Variants in BCKDHB observed in about 807,000 individuals in gnomAD.
BCKDHB encodes 2-oxoisovalerate dehydrogenase subunit beta, mitochondrial.
Under a neutral mutation model 48.5 loss-of-function variants are expected in BCKDHB, and 41 were observed. The ratio of observed to expected loss-of-function variants is 0.85; its 90% confidence interval spans 0.66 to 1.10. The LOEUF is 1.10. Ranked by LOEUF, BCKDHB falls within the 50% of genes least tolerant of loss-of-function variation. The probability of loss-of-function intolerance (pLI) is 0.00; values close to 1 mark genes in which losing one functional copy is unlikely to be tolerated. For synonymous variants in BCKDHB, 201 were observed against 174.8 expected, an observed-to-expected ratio of 1.15 and a Z score of -1.18; for missense variants, 496 against 494.2, an observed-to-expected ratio of 1.00 and a Z score of -0.03.
the BCKDHB span, among the ~76,000 whole-genome samples, chr6:80,435,181 A>G: frequency 3.9e-5 from 6 of 152,218 alleles, no homozygotes; most frequent in African/African-American, 1.4e-4. Context: ...GCTGTCTGTT[A>G]GCCAATGTCT....
the BCKDHB span, chr6:80,441,265 C>A: frequency 6.6e-6 from 1 of 152,078 alleles, no homozygotes; most frequent in Non-Finnish European, 1.5e-5. Context: ...GAGTTTTATT[C>A]AAATATCCAA....
intron 9 of BCKDHB, among the ~76,000 whole-genome samples, chr6:80,293,824 C>T (rs112963015): frequency 0.11 from 16,542 of 152,156 alleles, 1,115 homozygotes; most frequent in South Asian, 0.25. Flanking sequence ...TCATCTCCCT[C>T]ATGTTCAAAA....
At chr6:80,139,267 G>A (rs1397644587) in intron 3 of BCKDHB, among the ~76,000 whole-genome samples, 5 of 152,020 alleles carry the variant, frequency 3.3e-5, no homozygotes, top group Non-Finnish European at 7.4e-5. Flanking sequence ...TGTTCACTCT[G>A]ATGGTAGTTT....
chr6:80,108,507 T>C (rs1356386992), intron 1 of BCKDHB, among the ~76,000 whole-genome samples: 1 of 151,262 alleles, frequency 6.6e-6, no homozygotes, highest in African/African-American at 2.4e-5. Context: ...TTGTTCTTAT[T>C]TTAAAAATAA....
chr6:80,191,175 G>A (rs1023725916), intron 6 of BCKDHB, among the ~76,000 whole-genome samples: 3 of 152,162 alleles, frequency 2.0e-5, no homozygotes, highest in East Asian at 1.9e-4. Flanking sequence ...GGTTGCCCTC[G>A]AGAAGAGGGT....
At chr6:80,348,332 G>A (rs1290123117), downstream of BCKDHB, among the ~76,000 whole-genome samples, 1 of 152,092 alleles carries the variant, frequency 6.6e-6, no homozygotes, top group Admixed American at 6.5e-5. Context: ...GTCCACATTT[G>A]GTTTCATGTA....
At chr6:80,438,310 G>A in the BCKDHB span, among the ~76,000 whole-genome samples, 1 of 152,108 alleles carries the variant, frequency 6.6e-6, no homozygotes, top group Non-Finnish European at 1.5e-5. Context: ...TCTTAACAAG[G>A]ATCTCATAGC....
downstream of BCKDHB, among the ~76,000 whole-genome samples, chr6:80,349,635 A>G (rs928665469): frequency 3.9e-5 from 6 of 152,222 alleles, no homozygotes; most frequent in Admixed American, 6.5e-5. Flanking sequence ...GGCAAAAATG[A>G]AAATGAAAAC....
chr6:80,355,905 GGTT>G, the BCKDHB span: 2 of 152,170 alleles, frequency 1.3e-5, no homozygotes, highest in African/African-American at 4.8e-5. Flanking sequence ...TACTTCTTTG[GGTT>G]GTTGGAGTGG....
chr6:80,301,501 G>A (rs1248214939), intron 9 of BCKDHB, among the ~76,000 whole-genome samples: 7 of 152,058 alleles, frequency 4.6e-5, no homozygotes, highest in African/African-American at 1.2e-4. Flanking sequence ...ACTTGGAACA[G>A]ACCAATAACA....
intron 1 of BCKDHB, among the ~76,000 whole-genome samples, chr6:80,118,538 C>A (rs995502941): frequency 4.6e-5 from 7 of 151,526 alleles, no homozygotes; most frequent in Middle Eastern, 6.8e-3. Flanking sequence ...AAAAAAAAGA[C>A]AACAATGAAG....
chr6:80,199,365 TA>T (rs1774275888), intron 6 of BCKDHB, among the ~76,000 whole-genome samples: 1 of 152,142 alleles, frequency 6.6e-6, no homozygotes, highest in Non-Finnish European at 1.5e-5. Flanking sequence ...GCTTTTACTT[TA>T]ATTTTATTCT....
At chr6:80,276,235 T>A (rs1262095886) in intron 9 of BCKDHB, among the ~76,000 whole-genome samples, 1 of 152,010 alleles carries the variant, frequency 6.6e-6, no homozygotes, top group Non-Finnish European at 1.5e-5. Flanking sequence ...TCATGGTTAA[T>A]CCTACAAAAT....
chr6:80,189,656 G>C (rs1773804012), intron 6 of BCKDHB, among the ~76,000 whole-genome samples: 1 of 152,100 alleles, frequency 6.6e-6, no homozygotes, highest in Non-Finnish European at 1.5e-5. Context: ...ATTTAGGTCT[G>C]CCCATACTTA....
intron 1 of BCKDHB, among the ~76,000 whole-genome samples, chr6:80,114,394 T>C (rs1365725226): frequency 6.6e-6 from 1 of 151,928 alleles, no homozygotes; most frequent in African/African-American, 2.4e-5. Flanking sequence ...ACTACAGGCA[T>C]GCACCACCAT....
At chr6:80,389,893 A>G in the BCKDHB span, among the ~76,000 whole-genome samples, 1 of 152,092 alleles carries the variant, frequency 6.6e-6, no homozygotes, top group African/African-American at 2.4e-5. Flanking sequence ...AGCACCACTC[A>G]CCATCACCCC....
At chr6:80,156,185 A>G (rs566363414) in intron 3 of BCKDHB, among the ~76,000 whole-genome samples, 2 of 151,924 alleles carry the variant, frequency 1.3e-5, no homozygotes, top group Non-Finnish European at 2.9e-5. Context: ...TTTACTGTCA[A>G]CGATAATCTT....
rs547406326 is a variant in BCKDHB, at chr6:80,123,356, A to C, written c.197-4191A>C. On this transcript the variant is annotated intron_variant, in intron 1 of 9. Transcript: ENST00000320393. ...AGGTGTAAGAAATTATAAAAGTATTATTTGGGAACTGTTAAATGTCCATGA... is the reference window on the plus strand; with the variant it reads ...AGGTGTAAGAAATTATAAAAGTATTCTTTGGGAACTGTTAAATGTCCATGA... Among the ~76,000 whole-genome samples, 4 of 152,300 alleles carry C rather than the reference A, an allele frequency of 2.6e-5. No individual in the cohort carries two copies. The South Asian group carries it at 8.3e-4, about 32-fold the overall frequency.
In BCKDHB at chr6:80,127,630, C is replaced by G; in HGVS notation, c.274+6C>G. 1 of 1,608,442 alleles carries G rather than the reference C, an allele frequency of 6.2e-7. No homozygotes were observed. The highest frequency in any genetic ancestry group is 8.5e-7 in the Non-Finnish European group (1 of 1,175,046). ...GGCCAAAGATCCTACTGCAGGTAAC[C>G]CTGATATGTGCCTGAATTGTGGTAG... On this transcript the variant is annotated splice_donor_region_variant and intron_variant, in intron 2 of 9. Transcript: ENST00000320393.
Sources: gnomAD v4.1 joint callset for allele counts (sites outside exome capture counted in the v4.1 genomes callset) on GRCh38, gnomAD v4.1.1 for gene constraint, MANE v1.5 for transcripts, NCBI Gene and HGNC (gene_info 2026-07-23, HGNC 2026-07-21) for gene names.